The following TBC1D32 variants were observed in gnomAD, a reference collection of about 807,000 sequenced individuals.
The protein encoded by TBC1D32 is protein broad-minded.
TBC1D32 carries 151 observed loss-of-function variants against 170.3 expected under a neutral mutation model. The observed-to-expected ratio is 0.89, with a 90% CI of 0.78 to 1.01. The LOEUF is 1.01. Ranked by LOEUF, TBC1D32 falls within the 50% of genes least tolerant of loss-of-function variation. The probability of loss-of-function intolerance (pLI) is 0.00; values close to 1 mark genes in which losing one functional copy is unlikely to be tolerated. For synonymous variants in TBC1D32, 498 were observed against 488.0 expected (o/e 1.02, Z -0.27); for missense variants, 1,464 against 1,457.1 (o/e 1.00, Z -0.08).
Position 121,317,620 on chromosome 6 carries a change from A to G in TBC1D32, c.370T>C (p.Ser124Pro). ...LKNIMIAVVE[S>P]MINKFEEDET... ...TCTTCTTCAAACTTGTTAATCATAGACTCGACCACAGCTATCATAATGTTC... is the reference window on the plus strand; with the variant it reads ...TCTTCTTCAAACTTGTTAATCATAGGCTCGACCACAGCTATCATAATGTTC... The change falls in exon 3 of 32, where the codon TCT (serine) becomes CCT (proline). Residue 124 changes from serine (S) to proline (P), a missense_variant. This residue lies in a region of TBC1D32 where 1,363 missense variants were observed against 1,338.1 expected (regional missense o/e 1.02). Transcript: ENST00000398212. 2 of 1,611,966 alleles carry G rather than the reference A, an allele frequency of 1.2e-6. No homozygotes were observed. The highest frequency in any genetic ancestry group is 1.7e-6 in the Non-Finnish European group (2 of 1,179,034).
At chr6:121,268,433 G>A (rs1390454314) in intron 15 of TBC1D32, among the ~76,000 whole-genome samples, 1 of 152,120 alleles carries the variant, frequency 6.6e-6, no homozygotes, top group Non-Finnish European at 1.5e-5. Context: ...TGATGGAACT[G>A]AAAACCATGG....
intron 1 of TBC1D32, among the ~76,000 whole-genome samples, chr6:121,322,719 T>C (rs529467931): frequency 4.5e-4 from 68 of 152,230 alleles, no homozygotes; most frequent in Non-Finnish European, 8.4e-4. Flanking sequence ...AATCCATTTA[T>C]CTATCATCTG....
At chr6:121,121,547 T>C (rs1278755101) in intron 26 of TBC1D32, among the ~76,000 whole-genome samples, 1 of 152,040 alleles carries the variant, frequency 6.6e-6, no homozygotes, top group Non-Finnish European at 1.5e-5. Context: ...GAAAACTTCA[T>C]TTCTGTACTC....
intron 14 of TBC1D32, among the ~76,000 whole-genome samples, chr6:121,280,033 T>C (rs1802767321): frequency 6.6e-6 from 1 of 151,944 alleles, no homozygotes; most frequent in Non-Finnish European, 1.5e-5. Flanking sequence ...CTAGCCTAAC[T>C]AATGATTAGT....
chr6:121,195,202 G>A (rs1343838800), intron 22 of TBC1D32, among the ~76,000 whole-genome samples: 1 of 152,188 alleles, frequency 6.6e-6, no homozygotes, highest in Admixed American at 6.5e-5. Flanking sequence ...TCTGCAACAG[G>A]TCCAGGCTGC....
chr6:121,304,768 A>T lies in TBC1D32; in HGVS notation c.756T>A (p.Ile252=), dbSNP rs752163282. The change falls in exon 6 of 32, where the codon ATT becomes ATA. Residue 252 remains isoleucine, a synonymous_variant. Coordinates refer to ENST00000398212, the MANE Select transcript of TBC1D32 (RefSeq NM_152730.6). ...TCACAAACATACCTAAGCTTGTATAAATTTCCTTGGTCATATGTAATGGAG... is the reference window on the plus strand; with the variant it reads ...TCACAAACATACCTAAGCTTGTATATATTTCCTTGGTCATATGTAATGGAG... ...LLSPLHMTKE[I]YTSLAKYLES... 16 of 1,605,172 alleles carry T rather than the reference A, an allele frequency of 1.0e-5. No individual in the cohort carries two copies. The South Asian group carries it at 1.8e-4, about 18-fold the overall frequency.
chr6:121,203,084 A>T (rs900646746), intron 22 of TBC1D32, among the ~76,000 whole-genome samples: 5 of 151,352 alleles, frequency 3.3e-5, no homozygotes, highest in Non-Finnish European at 7.4e-5. Flanking sequence ...ACAAACAAAA[A>T]ATACTATGGG....
chr6:121,334,559 G>T, upstream of TBC1D32: 1 of 1,163,498 alleles, frequency 8.6e-7, no homozygotes, highest in Non-Finnish European at 1.2e-6. Flanking sequence ...ACCGCGGCGA[G>T]CGCCTGTGCC....
At chr6:121,142,154 C>T (rs941019466) in intron 24 of TBC1D32, among the ~76,000 whole-genome samples, 3 of 152,186 alleles carry the variant, frequency 2.0e-5, no homozygotes, top group Non-Finnish European at 4.4e-5. Context: ...CCCCTAGTGC[C>T]GGCAGTCCCC....
chr6:121,321,779 T>C lies in TBC1D32; in HGVS notation c.171A>G (p.Lys57=), dbSNP rs2128503063. 1 of 1,609,508 alleles carries C rather than the reference T, an allele frequency of 6.2e-7. No homozygotes were observed. The highest frequency in any genetic ancestry group is 1.1e-5 in the South Asian group (1 of 89,824). ...DENFHNYEFV[K]YLRQHIGNTL... is the part of the protein sequence containing the mutation. ...TGTTGCCTATATGCTGCCTGAGGTATTTCACAAATTCATAGCTGAAACAAA... is the reference window on the plus strand; with the variant it reads ...TGTTGCCTATATGCTGCCTGAGGTACTTCACAAATTCATAGCTGAAACAAA... Residue 57 remains lysine (K), a synonymous_variant, in exon 2 of 32, where the codon AAA becomes AAG. Transcript: ENST00000398212.
rs77602680 is a variant in TBC1D32 at position 121,211,673 on chromosome 6, T to C, written c.2482-6510A>G. Among the ~76,000 whole-genome samples the C allele has an allele frequency of 7.6e-3, 1,156 of 152,308 alleles. 19 individuals carry two copies. Among genetic ancestry groups the C allele is most frequent in the African/African-American group, 0.027 (1,108 of 41,562 alleles). ...TTCCTTTATTATGGCTGAGTAGTAT[T>C]ACATGGTACCTATATACCACATTTT... On this transcript the variant is annotated intron_variant, in intron 21 of 31. Transcript: ENST00000398212.
intron 22 of TBC1D32, among the ~76,000 whole-genome samples, chr6:121,195,609 A>C (rs1790620754): frequency 6.6e-6 from 1 of 152,206 alleles, no homozygotes; most frequent in Non-Finnish European, 1.5e-5. Context: ...CAAGAAAGTT[A>C]CATGAGGAAG....
intron 16 of TBC1D32, among the ~76,000 whole-genome samples, chr6:121,255,736 C>T (rs927988423): frequency 6.6e-6 from 1 of 151,902 alleles, no homozygotes; most frequent in Non-Finnish European, 1.5e-5. Context: ...TGCTACATTA[C>T]GATCTCTAGT....
intron 25 of TBC1D32, among the ~76,000 whole-genome samples, chr6:121,129,474 T>C (rs1034156139): frequency 6.6e-6 from 1 of 152,188 alleles, no homozygotes; most frequent in Admixed American, 6.5e-5. Context: ...TATAATATTG[T>C]ACTGAGTGAA....
chr6:121,196,119 A>G (rs958195816), intron 22 of TBC1D32, among the ~76,000 whole-genome samples: 2 of 152,226 alleles, frequency 1.3e-5, no homozygotes, highest in Admixed American at 6.5e-5. Context: ...TCAGCAGAGG[A>G]GGATTTTAAT....
chr6:121,186,768 AT>A (rs1049871813), intron 22 of TBC1D32, among the ~76,000 whole-genome samples: 21 of 152,212 alleles, frequency 1.4e-4, no homozygotes, highest in Admixed American at 6.6e-4. Flanking sequence ...ATACCACCAA[AT>A]AAATACTGAT....
intron 17 of TBC1D32, among the ~76,000 whole-genome samples, chr6:121,253,523 C>T (rs1323197832): frequency 6.6e-6 from 1 of 152,128 alleles, no homozygotes; most frequent in Non-Finnish European, 1.5e-5. Flanking sequence ...TCAAGACCAT[C>T]CTGGCTAACA....
At chr6:121,176,737 T>TA (rs1787812343) in intron 22 of TBC1D32, among the ~76,000 whole-genome samples, 1 of 152,074 alleles carries the variant, frequency 6.6e-6, no homozygotes, top group African/African-American at 2.4e-5. Flanking sequence ...TAGCTGGAAT[T>TA]ACAGGCACGC....
At chr6:121,301,730 C>T (rs1023717981) in intron 9 of TBC1D32, among the ~76,000 whole-genome samples, 2 of 151,944 alleles carry the variant, frequency 1.3e-5, no homozygotes, top group African/African-American at 4.8e-5. Flanking sequence ...CAGAATAATA[C>T]AAGTCAAAAC....
Sources: gnomAD v4.1 joint callset for allele counts (sites outside exome capture counted in the v4.1 genomes callset) on GRCh38, gnomAD v4.1.1 for gene constraint, gnomAD v4.1.1 regional missense constraint, MANE v1.5 for transcripts, NCBI Gene and HGNC (gene_info 2026-07-23, HGNC 2026-07-21) for gene names.